Variants in NELL2 observed in about 807,000 individuals in gnomAD.
NELL2 encodes the protein neural EGFL like 2.
NELL2 carries 41 observed loss-of-function variants against 109.6 expected under a neutral mutation model. The observed-to-expected ratio is 0.37, with a 90% CI of 0.29 to 0.49. The LOEUF is 0.49. Ranked by LOEUF, NELL2 falls within the 20% of genes least tolerant of loss-of-function variation. The probability of loss-of-function intolerance (pLI) is 0.98; values close to 1 mark genes in which losing one functional copy is unlikely to be tolerated. For missense variants in NELL2, 900 were observed against 1,008.3 expected (o/e 0.89, Z 1.45); for synonymous variants, 355 against 344.7 (o/e 1.03, Z -0.33).
chr12:44,530,643 C>T (rs376799989), intron 16 of NELL2, among the ~76,000 whole-genome samples: 6 of 152,180 alleles, frequency 3.9e-5, no homozygotes, highest in African/African-American at 4.8e-5. Context: ...CTCCGATATT[C>T]GGCATCTGCT....
chr12:44,663,671 T>C (rs1947824576), intron 13 of NELL2, among the ~76,000 whole-genome samples: 1 of 152,186 alleles, frequency 6.6e-6, no homozygotes, highest in South Asian at 2.1e-4. Context: ...AGGATTTTAT[T>C]TGGAAGGAAA....
chr12:44,562,589 G>A (rs1043215017), intron 15 of NELL2, among the ~76,000 whole-genome samples: 21 of 152,232 alleles, frequency 1.4e-4, no homozygotes, highest in Non-Finnish European at 2.8e-4. Context: ...CTGGTCATTA[G>A]AGAAATGCAA....
At chr12:44,870,499 T>G (rs183044643) in intron 2 of NELL2, among the ~76,000 whole-genome samples, 1 of 152,176 alleles carries the variant, frequency 6.6e-6, no homozygotes, top group East Asian at 1.9e-4. Context: ...AACACAAATC[T>G]ATTATCTCAC....
At chr12:44,691,993 A>G (rs575798613) in intron 12 of NELL2, among the ~76,000 whole-genome samples, 5 of 152,204 alleles carry the variant, frequency 3.3e-5, no homozygotes, top group Non-Finnish European at 7.4e-5. Flanking sequence ...AGATCCAGCT[A>G]AGACCATTGG....
chr12:44,548,526 C>G (rs7968983), intron 15 of NELL2, among the ~76,000 whole-genome samples: 19,095 of 144,818 alleles, frequency 0.13, 1,281 homozygotes, highest in Middle Eastern at 0.17. Context: ...GCCCGGGTGA[C>G]AGTGTGAGAC....
intron 2 of NELL2, among the ~76,000 whole-genome samples, chr12:44,863,996 C>T (rs1354171845): frequency 1.3e-5 from 2 of 152,008 alleles, no homozygotes; most frequent in Non-Finnish European, 2.9e-5. Flanking sequence ...TTAAAATAGC[C>T]TGTTTTAACT....
At chr12:44,598,633 T>C (rs1398592959) in intron 15 of NELL2, among the ~76,000 whole-genome samples, 1 of 152,166 alleles carries the variant, frequency 6.6e-6, no homozygotes, top group African/African-American at 2.4e-5. Flanking sequence ...CCTGAAAATC[T>C]TTCTACATAC....
chr12:44,692,070 G>T (rs1466048210), intron 12 of NELL2, among the ~76,000 whole-genome samples: 1 of 152,158 alleles, frequency 6.6e-6, no homozygotes, highest in Non-Finnish European at 1.5e-5. Context: ...AGAAGAAAAT[G>T]CCATATAGAA....
At chr12:44,728,800 T>C (rs141762677) in intron 9 of NELL2, among the ~76,000 whole-genome samples, 165 of 152,220 alleles carry the variant, frequency 1.1e-3, no homozygotes, top group African/African-American at 3.8e-3. Context: ...AATGGAACCA[T>C]TGCAGGCAGA....
intron 9 of NELL2, among the ~76,000 whole-genome samples, chr12:44,722,644 G>C (rs1938843633): frequency 6.6e-6 from 1 of 152,166 alleles, no homozygotes; most frequent in Non-Finnish European, 1.5e-5. Context: ...AGGAGTGTTT[G>C]AAAATAAGCA....
chr12:44,528,090 T>G (rs1941876354), intron 16 of NELL2, among the ~76,000 whole-genome samples: 1 of 83,130 alleles, frequency 1.2e-5, no homozygotes, highest in South Asian at 4.7e-4. Flanking sequence ...AGAGCGAGAC[T>G]CCGTCTCAAA....
At chr12:44,591,223 C>T (rs892510100) in intron 15 of NELL2, among the ~76,000 whole-genome samples, 6 of 152,212 alleles carry the variant, frequency 3.9e-5, no homozygotes, top group East Asian at 1.9e-4. Flanking sequence ...ATGGAAGTTC[C>T]TCAAAGAACT....
chr12:44,851,905 A>C (rs981131100), intron 2 of NELL2: 3 of 152,036 alleles, frequency 2.0e-5, no homozygotes, highest in Admixed American at 6.6e-5. Context: ...CTTGCTCAAA[A>C]CCTACAATGC....
intron 15 of NELL2, among the ~76,000 whole-genome samples, chr12:44,587,284 A>AAAAAAAAAAAATATATATATATAT: frequency 8.3e-4 from 60 of 72,086 alleles, no homozygotes; most frequent in Non-Finnish European, 1.3e-3. Flanking sequence ...AAAAAAAAAA[A>AAAAAAAAAAAATATATATATATAT]ATATATATAT....
At chr12:44,614,477 A>G (rs2136258792) in intron 13 of NELL2, among the ~76,000 whole-genome samples, 1 of 152,172 alleles carries the variant, frequency 6.6e-6, no homozygotes, top group South Asian at 2.1e-4. Context: ...TTTGTTCTGC[A>G]TCTGTACATA....
chr12:44,873,054 G>A (rs1038471557), intron 2 of NELL2, among the ~76,000 whole-genome samples: 9 of 152,198 alleles, frequency 5.9e-5, no homozygotes, highest in African/African-American at 1.2e-4. Flanking sequence ...TTCATAATCC[G>A]AATCTTAGAA....
chr12:44,812,886 T>A (rs986617786), intron 3 of NELL2, among the ~76,000 whole-genome samples: 3 of 152,192 alleles, frequency 2.0e-5, no homozygotes, highest in African/African-American at 7.2e-5. Context: ...GCACAGAGGT[T>A]CAGCAGGTGG....
At chr12:44,744,289 A>G (rs1940190463) in intron 9 of NELL2, among the ~76,000 whole-genome samples, 2 of 152,344 alleles carry the variant, frequency 1.3e-5, no homozygotes, top group East Asian at 1.9e-4. Context: ...TCTCTGGGAC[A>G]CATTCAAAGC....
At chr12:44,539,949 A>C (rs1472939543) in intron 15 of NELL2, among the ~76,000 whole-genome samples, 1 of 152,228 alleles carries the variant, frequency 6.6e-6, no homozygotes, top group Non-Finnish European at 1.5e-5. Context: ...GAGGGGAATG[A>C]AGGCAGGAGT....
Sources: allele counts gnomAD v4.1 joint callset (sites outside exome capture counted in the v4.1 genomes callset), GRCh38; gene constraint gnomAD v4.1.1; transcripts MANE v1.5; gene names NCBI Gene and HGNC (gene_info 2026-07-23, HGNC 2026-07-21).